The following APH1B variants were observed in gnomAD, a reference collection of about 807,000 sequenced individuals.
The protein encoded by APH1B is gamma-secretase subunit APH-1B.
A neutral mutation model predicts 28.2 loss-of-function variants in APH1B; 27 were observed. The ratio of observed to expected loss-of-function variants is 0.96; its 90% CI spans 0.70 to 1.32. The LOEUF (loss-of-function observed/expected upper bound fraction) is 1.32, where lower values mean the gene tolerates loss of function less well. Ranked by LOEUF, APH1B falls within the 40% of genes most tolerant of loss-of-function variation. The pLI is 0.00. For missense variants in APH1B, 305 were observed against 313.6 expected (o/e 0.97, Z 0.21); for synonymous variants, 141 against 124.6 (o/e 1.13, Z -0.88).
Position 63,305,946 on chromosome 15 carries a change from GGTGCTCA to G in APH1B, c.*169_*175del. ...TTTCACACAACTGCTCTCCGAAAGG[GGTGCTCA>G]GTGGTGTGCGTCCTGGCTGCACGAG... On this transcript the variant is annotated 3_prime_UTR_variant, in exon 6 of 6. Transcript: ENST00000261879. 1 of 870,936 alleles carries G rather than the reference GGTGCTCA, an allele frequency of 1.1e-6. No homozygotes were observed. The highest frequency in any genetic ancestry group is 3.1e-4 in the Middle Eastern group (1 of 3,222). The allele number at this position is 870,936 out of a possible 1,614,324, so 54.0% of individuals were successfully genotyped here.
At chr15:63,292,732 G>A (rs1019768252) in intron 4 of APH1B, among the ~76,000 whole-genome samples, 1 of 152,138 alleles carries the variant, frequency 6.6e-6, no homozygotes, top group Non-Finnish European at 1.5e-5. Context: ...CTTTCCAGCT[G>A]CTCAAATAAC....
Position 63,287,514 on chromosome 15 carries a change from A to T in APH1B, c.446A>T (p.His149Leu). The change falls in exon 4 of 6, where the codon CAT becomes CTT. Residue 149 changes from histidine to leucine, a missense_variant. His to Leu is a moderately conservative substitution (Grantham distance 99). Transcript: ENST00000261879. ...DSLGPGTVGI[H>L]GDSPQFFLYS... ...TTGGGGCCAGGCACAGTGGGCATTC[A>T]TGGAGATTCTCCTCAATTCTTCCTT... 1 of 1,613,984 alleles carries T rather than the reference A, an allele frequency of 6.2e-7. No homozygotes were observed. The highest frequency in any genetic ancestry group is 8.5e-7 in the Non-Finnish European group (1 of 1,179,870).
Position 63,279,149 on chromosome 15 carries a change from C to T in APH1B, c.114-12C>T, listed in dbSNP as rs201124301. On this transcript the variant is annotated splice_polypyrimidine_tract_variant and intron_variant, in intron 1 of 5. Transcript: ENST00000261879. ...GATGTTCACTTGTAACTTTTTTTCC[C>T]GTATTTTTCAGAGCTTTCTTCTGGT... 7 of 1,567,392 alleles carry T rather than the reference C, an allele frequency of 4.5e-6. No homozygotes were observed. The highest frequency in any genetic ancestry group is 1.2e-5 in the South Asian group (1 of 85,450).
At chr15:63,287,031 A>T (rs762981706) in intron 3 of APH1B, 1 of 221,316 alleles carries the variant, frequency 4.5e-6, no homozygotes, top group Admixed American at 5.5e-5. Context: ...TAGGTTCCCC[A>T]CTTGGGCTCA....
chr15:63,283,988 G>A (rs962992959), intron 2 of APH1B, among the ~76,000 whole-genome samples: 2 of 152,080 alleles, frequency 1.3e-5, no homozygotes, highest in East Asian at 1.9e-4. Context: ...GTTGAAAATC[G>A]GTTGACTGTA....
rs536327382 is a variant in APH1B at position 63,293,114 on chromosome 15, G to A, written c.478+5568G>A. Among the ~76,000 whole-genome samples, 7 of 151,808 alleles carry A rather than the reference G, an allele frequency of 4.6e-5. No homozygotes were observed. The East Asian group carries it at 1.2e-3, about 25-fold the overall frequency. On this transcript the variant is annotated intron_variant, in intron 4 of 5. Transcript: ENST00000261879. ...CATGGGTAAAATTGTCCTTATTTTCGTCAGCCACTGCTGCCTTTATTTTTA... is the reference window on the plus strand; with the variant it reads ...CATGGGTAAAATTGTCCTTATTTTCATCAGCCACTGCTGCCTTTATTTTTA...
intron 4 of APH1B, among the ~76,000 whole-genome samples, chr15:63,294,157 C>T (rs2038538685): frequency 6.6e-6 from 1 of 151,756 alleles, no homozygotes; most frequent in African/African-American, 2.4e-5. Context: ...TTACAGGTTA[C>T]TGTCCTGTAG....
chr15:63,279,468 C>G lies in APH1B; in HGVS notation c.284+137C>G, dbSNP rs900264191. ...AGCCAAGAGATTGGTACATTTCCAG[C>G]CTGAAAATCTTGAGTGTTCTTTTAT... On this transcript the variant is annotated intron_variant, in intron 2 of 5. Transcript: ENST00000261879. 1.4e-5 allele frequency: 10 copies of G among 707,206 alleles called. No homozygotes were observed. In the East Asian group the frequency reaches 3.1e-4, roughly 22 times the overall value. The allele number at this position is 707,206 out of a possible 1,614,324, so 43.8% of individuals were successfully genotyped here.
At position 63,304,144 on chromosome 15, in the gene APH1B, A is replaced by T. The variant is rs1357197999; in HGVS notation, c.607-1470A>T. 1.3e-5 allele frequency among the ~76,000 whole-genome samples: 2 copies of T among 152,212 alleles called. No homozygotes were observed. Among genetic ancestry groups the T allele is most frequent in the Non-Finnish European group, 2.9e-5 (2 of 68,034 alleles). On this transcript the variant is annotated intron_variant, in intron 5 of 5. Transcript: ENST00000261879. This position sits in a 1 kb window ranked among gnomAD's most constrained non-coding sequence, Gnocchi z 5.1. ...TAAATTATAGTAAAAGTTTTCATTTACGTTTCCCTGATGATTAATAGGTTG... is the reference window on the plus strand; with the variant it reads ...TAAATTATAGTAAAAGTTTTCATTTTCGTTTCCCTGATGATTAATAGGTTG...
At chr15:63,281,941 T>C (rs1051067138) in intron 2 of APH1B, among the ~76,000 whole-genome samples, 2 of 152,140 alleles carry the variant, frequency 1.3e-5, no homozygotes, top group African/African-American at 2.4e-5. Context: ...AGGGAAACCA[T>C]GTGTGCTTTT....
At chr15:63,302,838 TG>T (rs759005106) in intron 5 of APH1B, among the ~76,000 whole-genome samples, 8 of 152,150 alleles carry the variant, frequency 5.3e-5, no homozygotes, top group Non-Finnish European at 1.0e-4. Flanking sequence ...CATGTGTCCT[TG>T]GCTAGCATAT....
intron 1 of APH1B, 150 bp from the exon 2 acceptor site, chr15:63,279,011 A>G: frequency 1.8e-6 from 1 of 569,990 alleles, no homozygotes. Flanking sequence ...ACAACTGATC[A>G]GAGTATCACT....
At chr15:63,295,689 G>T (rs1282683472) in intron 4 of APH1B, among the ~76,000 whole-genome samples, 1 of 152,182 alleles carries the variant, frequency 6.6e-6, no homozygotes, top group Admixed American at 6.5e-5. Context: ...CTGTCCCCCA[G>T]TTGTGATAAC....
At position 63,305,059 on chromosome 15, in the gene APH1B, GT is replaced by G. The variant is rs374193674; in HGVS notation, c.607-552del. Among the ~76,000 whole-genome samples the G allele has an allele frequency of 1.1e-4, 16 of 152,266 alleles. No homozygotes were observed. In the East Asian group the frequency reaches 2.7e-3, roughly 26 times the overall value. ...CATTCATCACAATTTGTGACTAATT[GT>G]TTCTTCATTCATTACCTGCCTCCCT... On this transcript the variant is annotated intron_variant, in intron 5 of 5. Coordinates refer to ENST00000261879, the MANE Select transcript of APH1B (RefSeq NM_031301.4).
At chr15:63,302,998 AC>A (rs2038649064) in intron 5 of APH1B, among the ~76,000 whole-genome samples, 1 of 152,196 alleles carries the variant, frequency 6.6e-6, no homozygotes, top group Admixed American at 6.5e-5. Flanking sequence ...AATAGTTGAT[AC>A]TATTCTTTTT....
chr15:63,293,266 G>A (rs1363080034), intron 4 of APH1B, among the ~76,000 whole-genome samples: 3 of 151,162 alleles, frequency 2.0e-5, no homozygotes, highest in Admixed American at 2.0e-4. Flanking sequence ...TCGGGTTCAT[G>A]CCATTCTCCT....
chr15:63,280,689 A>G (rs760134345), intron 2 of APH1B, among the ~76,000 whole-genome samples: 3 of 152,264 alleles, frequency 2.0e-5, no homozygotes, highest in Non-Finnish European at 4.4e-5. Flanking sequence ...GTACCTGGAA[A>G]TATTACATGG....
At chr15:63,301,474 T>C (rs1567032561) in intron 4 of APH1B, among the ~76,000 whole-genome samples, 1 of 152,224 alleles carries the variant, frequency 6.6e-6, no homozygotes, top group African/African-American at 2.4e-5. Context: ...ACAGACAACA[T>C]ACACACAGAG....
In APH1B at chr15:63,305,522, A is replaced by G. The variant is rs183215759; in HGVS notation, c.607-92A>G. ...TTGGTGAAACACACCCAAGTTCTTGAAAGTATTCCATGCTTCCCTTTATCT... is the reference window on the plus strand; with the variant it reads ...TTGGTGAAACACACCCAAGTTCTTGGAAGTATTCCATGCTTCCCTTTATCT... On this transcript the variant is annotated intron_variant, in intron 5 of 5. Transcript: ENST00000261879. The G allele has an allele frequency of 1.3e-4, 192 of 1,459,676 alleles. No individual in the cohort carries two copies. In the African/African-American group the frequency reaches 2.5e-3, roughly 19 times the overall value. 90.4% of individuals were successfully genotyped at this position (1,459,676 alleles called of 1,614,324 possible).
Sources: gnomAD v4.1 joint callset for allele counts (sites outside exome capture counted in the v4.1 genomes callset) on GRCh38, gnomAD v4.1.1 for gene constraint, Gnocchi (gnomAD v3.1) non-coding constraint, MANE v1.5 for transcripts, NCBI Gene and HGNC (gene_info 2026-07-23, HGNC 2026-07-21) for gene names.